Variants in SLC2A10 observed in about 807,000 individuals in gnomAD.
SLC2A10 encodes solute carrier family 2 member 10, also known as solute carrier family 2, facilitated glucose transporter member 10.
Under a neutral mutation model 32.1 loss-of-function variants are expected in SLC2A10, and 25 were observed. The ratio of observed to expected loss-of-function variants is 0.78; its 90% CI spans 0.57 to 1.09. The LOEUF (loss-of-function observed/expected upper bound fraction) is 1.09. SLC2A10 is among the 50% of genes least tolerant of loss of function. The pLI is 0.00. For synonymous variants in SLC2A10, 332 were observed against 309.6 expected, an observed-to-expected ratio of 1.07 and a Z score of -0.76; for missense variants, 673 against 686.5, an observed-to-expected ratio of 0.98 and a Z score of 0.22.
In SLC2A10 at chr20:46,726,880, C is replaced by T. The variant is rs201159437; in HGVS notation, c.1305C>T (p.Leu435=). Residue 435 remains leucine, a synonymous_variant, in exon 3 of 5, where the codon CTC becomes CTT. Transcript: ENST00000359271. ...FGFGPVTWLV[L]SEIYPVEIRG... is the part of the protein sequence containing the mutation. ...CCACCCTAGTGACCTGGCTTGTCCTCAGCGAGATCTACCCTGTGGAGATAC... is the reference window on the plus strand; with the variant it reads ...CCACCCTAGTGACCTGGCTTGTCCTTAGCGAGATCTACCCTGTGGAGATAC... 1.8e-5 allele frequency: 29 copies of T among 1,612,566 alleles called. No homozygotes were observed. The highest frequency in any genetic ancestry group is 2.5e-5 in the Non-Finnish European group (29 of 1,179,648).
chr20:46,725,956 T>A lies in SLC2A10; in HGVS notation c.920T>A (p.Met307Lys), dbSNP rs768142427. The change falls in exon 2 of 5, where the codon ATG becomes AAG. Residue 307 changes from methionine to lysine, a missense_variant. Coordinates refer to ENST00000359271, the MANE Select transcript of SLC2A10 (RefSeq NM_030777.4). ...CTGTTGCTAGCTGGCTGTGCCCTCATGGCCCTGTCCGTCAGTGGCATAGGC... is the reference window on the plus strand; with the variant it reads ...CTGTTGCTAGCTGGCTGTGCCCTCAAGGCCCTGTCCGTCAGTGGCATAGGC... ...RALLLAGCAL[M>K]ALSVSGIGLV... The A allele has an allele frequency of 1.9e-5, 31 of 1,613,802 alleles. No individual in the cohort carries two copies. The highest frequency in any genetic ancestry group is 2.7e-5 in the African/African-American group (2 of 74,940).
Position 46,726,887 on chromosome 20 carries a change from A to C in SLC2A10, c.1312A>C (p.Ile438Leu). ...AGTGACCTGGCTTGTCCTCAGCGAG[A>C]TCTACCCTGTGGAGATACGAGGAAG... The part of the protein sequence containing the change: ...GPVTWLVLSE[I>L]YPVEIRGRAF... Residue 438 changes from isoleucine (I) to leucine (L), a missense_variant, in exon 3 of 5, where the codon ATC (isoleucine) becomes CTC (leucine). Transcript: ENST00000359271. The C allele has an allele frequency of 6.2e-7, 1 of 1,614,094 alleles. No homozygotes were observed.
intron 3 of SLC2A10, 54 bp downstream of exon 3, chr20:46,727,040 C>G (rs1371222812): frequency 2.5e-6 from 4 of 1,612,984 alleles, no homozygotes; most frequent in Non-Finnish European, 3.4e-6. Flanking sequence ...GCTCCCTACT[C>G]TAAAGCAGAA....
chr20:46,722,702 T>C (rs1199925675), intron 1 of SLC2A10, among the ~76,000 whole-genome samples: 1 of 152,246 alleles, frequency 6.6e-6, no homozygotes, highest in Non-Finnish European at 1.5e-5. Flanking sequence ...TTTCTCACAC[T>C]ATGCCTGGCA....
At chr20:46,729,134 T>C (rs1980135588) in intron 3 of SLC2A10, among the ~76,000 whole-genome samples, 1 of 152,220 alleles carries the variant, frequency 6.6e-6, no homozygotes, top group African/African-American at 2.4e-5. Flanking sequence ...GCTTGTGGAC[T>C]TGCGTCCTGG....
Position 46,725,060 on chromosome 20 carries a change from G to A in SLC2A10, c.24G>A (p.Leu8=). 1 of 1,614,226 alleles carries A rather than the reference G, an allele frequency of 6.2e-7. No homozygotes were observed. The highest frequency in any genetic ancestry group is 1.7e-5 in the Admixed American group (1 of 60,034). ...TTTTAGGCCACTCCCCACCTGTCCT[G>A]CCTTTGTGTGCCTCTGTGTCTTTGC... The part of the protein sequence containing the change: MGHSPPV[L]PLCASVSLLG... The change falls in exon 2 of 5, where the codon CTG becomes CTA. Residue 8 remains leucine, a synonymous_variant. Coordinates refer to ENST00000359271, the MANE Select transcript of SLC2A10 (RefSeq NM_030777.4).
chr20:46,719,145 T>C (rs2123022473), intron 1 of SLC2A10, among the ~76,000 whole-genome samples: 1 of 151,890 alleles, frequency 6.6e-6, no homozygotes, highest in Middle Eastern at 3.4e-3. Flanking sequence ...TTGTTACTGG[T>C]TGTTTTTTTT....
rs570363463 is a variant in SLC2A10 at position 46,726,031 on chromosome 20, T to C, written c.995T>C (p.Val332Ala). ...PMDSGPSCLA[V>A]PNATGQTGLP... ...GACTCAGGCCCAAGCTGTCTGGCTG[T>C]GCCCAATGCCACCGGGCAGACAGGC... is the stretch of plus-strand genomic sequence containing the variant. The change falls in exon 2 of 5, where the codon GTG (valine) becomes GCG (alanine). Residue 332 changes from valine (V) to alanine (A), a missense_variant. By Grantham distance (64) the Val-to-Ala change is moderately conservative (BLOSUM62 0). Transcript: ENST00000359271. The C allele has an allele frequency of 1.2e-5, 20 of 1,614,130 alleles. No individual in the cohort carries two copies. The highest frequency in any genetic ancestry group is 1.6e-4 in the Middle Eastern group (1 of 6,062).
rs139155480 is a variant in SLC2A10, at chr20:46,726,248, G to T, written c.1212G>T (p.Gly404=). Residue 404 remains glycine, a synonymous_variant, in exon 2 of 5, where the codon GGG becomes GGT. Coordinates refer to ENST00000359271, the MANE Select transcript of SLC2A10 (RefSeq NM_030777.4). ...ALPGPPLPAR[G]HALLRWTALL... is the part of the protein sequence containing the mutation. ...CTGGGCCCCCTCTGCCCGCTCGGGG[G>T]CATGCACTGCTGCGCTGGACCGCAC... The T allele has an allele frequency of 6.7e-4, 1,077 of 1,613,634 alleles. 5 individuals carry two copies. In the African/African-American group the frequency reaches 0.012, roughly 19 times the overall value.
At chr20:46,709,636 G>A, upstream of SLC2A10, 8 of 1,426,698 alleles carry the variant, frequency 5.6e-6, no homozygotes, top group Non-Finnish European at 7.5e-6. Flanking sequence ...GGCGGGGGCG[G>A]GCCGGAAAGT....
At chr20:46,716,478 A>G (rs1979247995) in intron 1 of SLC2A10, among the ~76,000 whole-genome samples, 2 of 152,130 alleles carry the variant, frequency 1.3e-5, no homozygotes, top group Admixed American at 1.3e-4. Context: ...AACTCAAAGC[A>G]ATGTCTAGTC....
In SLC2A10 at chr20:46,726,226, G is replaced by T; in HGVS notation, c.1190G>T (p.Gly397Val). The change falls in exon 2 of 5, where the codon GGG (glycine) becomes GTG (valine). Residue 397 changes from glycine (G) to valine (V), a missense_variant. Coordinates refer to ENST00000359271, the MANE Select transcript of SLC2A10 (RefSeq NM_030777.4). ...PRLALSSALP[G>V]PPLPARGHAL... Reference sequence around the variant, plus strand: ...CTGGCCCTGAGCTCTGCCCTCCCTGGGCCCCCTCTGCCCGCTCGGGGGCAT... The same window carrying T: ...CTGGCCCTGAGCTCTGCCCTCCCTGTGCCCCCTCTGCCCGCTCGGGGGCAT... 2 of 1,613,948 alleles carry T rather than the reference G, an allele frequency of 1.2e-6. No individual in the cohort carries two copies. The highest frequency in any genetic ancestry group is 1.7e-6 in the Non-Finnish European group (2 of 1,180,038).
chr20:46,708,651 C>G (rs1978724333), upstream of SLC2A10, among the ~76,000 whole-genome samples: 2 of 152,214 alleles, frequency 1.3e-5, no homozygotes, highest in African/African-American at 4.8e-5. Context: ...TTGCAACAGC[C>G]TCCCAGGTGG....
rs1979885142 is a variant in SLC2A10, at chr20:46,725,750, G to A, written c.714G>A (p.Leu238=). 1 of 1,614,202 alleles carries A rather than the reference G, an allele frequency of 6.2e-7. No individual in the cohort carries two copies. Among genetic ancestry groups the A allele is most frequent in the Non-Finnish European group, 8.5e-7 (1 of 1,180,030 alleles). The part of the protein sequence containing the change: ...MRGRTTVGLG[L]VLFQQLTGQP... ...GCCGGACCACAGTGGGCCTGGGGCTGGTGCTCTTCCAGCAACTAACAGGGC... is the reference window on the plus strand; with the variant it reads ...GCCGGACCACAGTGGGCCTGGGGCTAGTGCTCTTCCAGCAACTAACAGGGC... Residue 238 remains leucine, a synonymous_variant, in exon 2 of 5, where the codon CTG becomes CTA. Transcript: ENST00000359271.
intron 1 of SLC2A10, among the ~76,000 whole-genome samples, chr20:46,717,771 G>A (rs186449300): frequency 1.3e-5 from 2 of 152,250 alleles, no homozygotes; most frequent in South Asian, 2.1e-4. Flanking sequence ...ATGACAAATG[G>A]TTACAGATCT....
chr20:46,729,003 A>T (rs946995929), intron 3 of SLC2A10, among the ~76,000 whole-genome samples: 32 of 151,374 alleles, frequency 2.1e-4, no homozygotes, highest in African/African-American at 7.8e-4. Context: ...CTGTTTGGCC[A>T]CTCAGCTGGA....
intron 2 of SLC2A10, among the ~76,000 whole-genome samples, 177 bp from the exon 3 acceptor site, chr20:46,726,687 C>T (rs1979984292): frequency 6.6e-6 from 1 of 152,176 alleles, no homozygotes. Flanking sequence ...GAAAACCTCT[C>T]AGTCTTCAGC....
At chr20:46,708,689 A>G (rs1285953134), upstream of SLC2A10, among the ~76,000 whole-genome samples, 2 of 152,162 alleles carry the variant, frequency 1.3e-5, no homozygotes, top group Non-Finnish European at 2.9e-5. Flanking sequence ...GCCCTTAACC[A>G]GTTAGAACTC....
Position 46,734,758 on chromosome 20 carries a change from T to C in SLC2A10, c.*924T>C, listed in dbSNP as rs1347747391. 6.6e-6 allele frequency: 1 copy of C among 152,588 alleles called. No individual in the cohort carries two copies. Among genetic ancestry groups the C allele is most frequent in the African/African-American group, 2.4e-5 (1 of 41,454 alleles). 9.5% of individuals were successfully genotyped at this position (152,588 alleles called of 1,614,324 possible). A position where few individuals can be genotyped will look rare whatever the true frequency, so the allele number is the denominator to read the frequency against. On this transcript the variant is annotated 3_prime_UTR_variant, in exon 5 of 5. Coordinates refer to ENST00000359271, the MANE Select transcript of SLC2A10 (RefSeq NM_030777.4). ...GCCTGTACCAGGTCATTCTTAAGAT[T>C]TCTCCTGACTCCAGTGAGCTGGAAT... is the stretch of plus-strand genomic sequence containing the variant.
Sources: allele counts gnomAD v4.1 joint callset (sites outside exome capture counted in the v4.1 genomes callset), GRCh38; gene constraint gnomAD v4.1.1; transcripts MANE v1.5; gene names NCBI Gene and HGNC (gene_info 2026-07-23, HGNC 2026-07-21).